WDR70: variants seen among roughly 807,000 people sequenced by gnomAD.
WDR70 encodes the protein WD repeat-containing protein 70.
In WDR70, 53 loss-of-function variants were observed where a neutral mutation model predicts 88.6. That is an observed-to-expected ratio of 0.60 (90% CI 0.48 to 0.75). WDR70 has a LOEUF of 0.75. Among genes scored for constraint, WDR70 ranks in the 30% least tolerant of loss-of-function variants. WDR70 has a pLI of 0.00. For missense variants in WDR70, 610 were observed against 823.2 expected, an observed-to-expected ratio of 0.74 and a Z score of 3.17; for synonymous variants, 280 against 270.0, an observed-to-expected ratio of 1.04 and a Z score of -0.36.
At chr5:37,496,564 G>A (rs983139750) in intron 8 of WDR70, among the ~76,000 whole-genome samples, 2 of 152,118 alleles carry the variant, frequency 1.3e-5, no homozygotes, top group African/African-American at 4.8e-5. Context: ...AACCAATTCC[G>A]GACTCACTAA....
chr5:37,517,541 A>G (rs1174842519), intron 9 of WDR70, among the ~76,000 whole-genome samples: 1 of 151,832 alleles, frequency 6.6e-6, no homozygotes, highest in Non-Finnish European at 1.5e-5. Flanking sequence ...CTAATTTTGT[A>G]TTTTTAGTAG....
intron 6 of WDR70, among the ~76,000 whole-genome samples, 200 bp downstream of exon 6, chr5:37,438,181 TG>T (rs1750536967): frequency 6.6e-6 from 1 of 152,202 alleles, no homozygotes. Flanking sequence ...GAACAATTAT[TG>T]TCACTGTTAT....
intron 9 of WDR70, among the ~76,000 whole-genome samples, chr5:37,595,124 C>T (rs918466419): frequency 1.4e-4 from 21 of 152,130 alleles, no homozygotes; most frequent in African/African-American, 4.8e-4. Flanking sequence ...TAACTGAATA[C>T]GCTTTATTTC....
chr5:37,445,983 A>C (rs1738464632), intron 7 of WDR70, among the ~76,000 whole-genome samples: 1 of 152,190 alleles, frequency 6.6e-6, no homozygotes, highest in South Asian at 2.1e-4. Context: ...CAGTTAGAAA[A>C]AGAGGAATTG....
At chr5:37,393,448 A>G (rs893560384) in intron 4 of WDR70, among the ~76,000 whole-genome samples, 12 of 152,206 alleles carry the variant, frequency 7.9e-5, no homozygotes, top group African/African-American at 2.6e-4. Context: ...TCCTTGAGGT[A>G]CATCATTAGG....
At chr5:37,484,964 T>C (rs1326807361) in intron 8 of WDR70, among the ~76,000 whole-genome samples, 5 of 152,338 alleles carry the variant, frequency 3.3e-5, no homozygotes, top group Admixed American at 1.3e-4. Flanking sequence ...ATGGCTAACA[T>C]TGATAGTATA....
intron 9 of WDR70, among the ~76,000 whole-genome samples, chr5:37,593,337 G>A (rs940292296): frequency 1.3e-5 from 2 of 151,750 alleles, no homozygotes; most frequent in African/African-American, 4.8e-5. Context: ...GCCCCAGGAT[G>A]TGATGTTCCC....
At chr5:37,746,244 A>G (rs1261285322) in intron 17 of WDR70, among the ~76,000 whole-genome samples, 2 of 152,090 alleles carry the variant, frequency 1.3e-5, no homozygotes, top group East Asian at 1.9e-4. Flanking sequence ...CAAAGAGACA[A>G]TGTTCCAGAA....
intron 10 of WDR70, among the ~76,000 whole-genome samples, chr5:37,668,642 A>C (rs1473534945): frequency 1.3e-5 from 2 of 152,232 alleles, no homozygotes; most frequent in Non-Finnish European, 2.9e-5. Flanking sequence ...GGGAGCCAGA[A>C]GATTCCAGAG....
At chr5:37,618,305 G>A (rs904477996) in intron 10 of WDR70, among the ~76,000 whole-genome samples, 2 of 152,140 alleles carry the variant, frequency 1.3e-5, no homozygotes, top group Admixed American at 6.6e-5. Context: ...TCACTATTTA[G>A]TGACTTGAAT....
intron 10 of WDR70, among the ~76,000 whole-genome samples, chr5:37,621,152 A>G (rs1744494807): frequency 6.6e-6 from 1 of 152,084 alleles, no homozygotes; most frequent in Non-Finnish European, 1.5e-5. Context: ...TAGAAATCTC[A>G]TCTATACCAA....
At chr5:37,564,919 C>T (rs902215422) in intron 9 of WDR70, among the ~76,000 whole-genome samples, 8 of 151,948 alleles carry the variant, frequency 5.3e-5, no homozygotes, top group Admixed American at 1.3e-4. Context: ...TGATACTTTT[C>T]TAGTTATTTT....
intron 10 of WDR70, among the ~76,000 whole-genome samples, chr5:37,682,004 G>A (rs143447814): frequency 5.8e-4 from 88 of 152,218 alleles, no homozygotes; most frequent in African/African-American, 2.0e-3. Context: ...TAGTAGGAAT[G>A]GTACTAACTC....
intron 7 of WDR70, among the ~76,000 whole-genome samples, chr5:37,455,636 C>CTTT (rs59254502): frequency 4.3e-5 from 3 of 70,422 alleles, no homozygotes; most frequent in African/African-American, 9.3e-5. Flanking sequence ...TTCTCTTTAT[C>CTTT]TTTTTTTTTT....
intron 4 of WDR70, among the ~76,000 whole-genome samples, chr5:37,393,932 T>A (rs753801539): frequency 1.3e-5 from 2 of 152,108 alleles, no homozygotes; most frequent in Non-Finnish European, 2.9e-5. Context: ...TCCGCTCACC[T>A]CTACCTCGAA....
intron 5 of WDR70, among the ~76,000 whole-genome samples, chr5:37,407,944 A>T (rs960739625): frequency 1.3e-5 from 2 of 152,188 alleles, no homozygotes; most frequent in African/African-American, 4.8e-5. Flanking sequence ...TGTATTATTA[A>T]TTTGGCTGCC....
intron 14 of WDR70, 115 bp from the exon 15 acceptor site, chr5:37,722,740 G>C: frequency 2.3e-6 from 2 of 888,558 alleles, no homozygotes; most frequent in East Asian, 2.6e-5. Flanking sequence ...TCAAGTACTT[G>C]TGTAGATGGA....
At chr5:37,681,556 G>A (rs1237252248) in intron 10 of WDR70, among the ~76,000 whole-genome samples, 2 of 152,082 alleles carry the variant, frequency 1.3e-5, no homozygotes, top group Admixed American at 1.3e-4. Flanking sequence ...TATGATGTTG[G>A]CTGTGGGTTT....
rs556183153 is a variant in WDR70 at position 37,634,840 on chromosome 5, C to T, written c.1092+29602C>T. ...GGTAGGGAGATTTGCCCATGGAAGTCGGGGGACAGGGAAGGCTGTAATGAA... is the reference window on the plus strand; with the variant it reads ...GGTAGGGAGATTTGCCCATGGAAGTTGGGGGACAGGGAAGGCTGTAATGAA... On this transcript the variant is annotated intron_variant, in intron 10 of 17. Transcript: ENST00000265107. Among the ~76,000 whole-genome samples, 8 of 152,262 alleles carry T rather than the reference C, an allele frequency of 5.3e-5. No homozygotes were observed. In the South Asian group the frequency reaches 6.2e-4, roughly 12 times the overall value.
Sources: gnomAD v4.1 joint callset for allele counts (sites outside exome capture counted in the v4.1 genomes callset) on GRCh38, gnomAD v4.1.1 for gene constraint, MANE v1.5 for transcripts, NCBI Gene and HGNC (gene_info 2026-07-23, HGNC 2026-07-21) for gene names.